DMTN: variants seen among roughly 807,000 people sequenced by gnomAD.
DMTN encodes the protein dematin.
A neutral mutation model predicts 59.4 loss-of-function variants in DMTN; 27 were observed. The observed-to-expected ratio is 0.45, with a 90% CI of 0.33 to 0.63. The LOEUF (loss-of-function observed/expected upper bound fraction) is 0.63. DMTN is among the 20% of genes least tolerant of loss of function. The pLI, the probability that DMTN is intolerant of heterozygous loss-of-function variation, is 0.02. For missense variants in DMTN, 451 were observed against 528.9 expected (o/e 0.85, Z 1.45); for synonymous variants, 221 against 203.7 (o/e 1.08, Z -0.72).
In DMTN at chr8:22,067,120, C is replaced by T. The variant is rs1003804935; in HGVS notation, c.54C>T (p.Ser18=). Residue 18 remains serine, a synonymous_variant, in exon 3 of 16, where the codon TCC becomes TCT. Transcript: ENST00000358242. ...CCTCCCCCGGGAGCGTGAGCCCCTC[C>T]CGAGATTCCAGTGTGCCTGGCTCTC... The part of the protein sequence containing the change: ...PLTSPGSVSP[S]RDSSVPGSPS... 1.9e-6 allele frequency: 3 copies of T among 1,608,616 alleles called. No homozygotes were observed. Among genetic ancestry groups the T allele is most frequent in the Non-Finnish European group, 2.5e-6 (3 of 1,177,898 alleles).
upstream of DMTN, among the ~76,000 whole-genome samples, chr8:22,052,468 G>A (rs1801449320): frequency 1.3e-5 from 2 of 152,232 alleles, no homozygotes; most frequent in Admixed American, 6.5e-5. Flanking sequence ...TGGGTGGGGC[G>A]GGGGCTTAAG....
At chr8:22,049,083 G>A (rs1043415108), upstream of DMTN, 6 of 150,110 alleles carry the variant, frequency 4.0e-5, no homozygotes, top group Non-Finnish European at 7.4e-5. Flanking sequence ...CCGGGGCCGG[G>A]GCCGGGACGT....
At chr8:22,062,813 C>T (rs908921722) in intron 1 of DMTN, among the ~76,000 whole-genome samples, 1 of 151,952 alleles carries the variant, frequency 6.6e-6, no homozygotes, top group African/African-American at 2.4e-5. Flanking sequence ...TCCCTCCCTC[C>T]CTCCCATTCT....
At chr8:22,063,648 A>G (rs895757321) in intron 1 of DMTN, among the ~76,000 whole-genome samples, 2 of 151,792 alleles carry the variant, frequency 1.3e-5, no homozygotes, top group Admixed American at 1.3e-4. Context: ...CCATGTCCCC[A>G]CCTTATGCTG....
intron 10 of DMTN, among the ~76,000 whole-genome samples, chr8:22,076,746 G>A (rs1300407129): frequency 1.3e-5 from 2 of 149,664 alleles, no homozygotes; most frequent in South Asian, 4.2e-4. Flanking sequence ...TTCTTTTTTG[G>A]GTGACATATA....
intron 1 of DMTN, chr8:22,059,421 G>A (rs1201590555): frequency 6.6e-6 from 1 of 152,260 alleles, no homozygotes; most frequent in East Asian, 1.9e-4. Flanking sequence ...CCCGGAGCCA[G>A]AGGCCCCCAC....
At chr8:22,070,055 T>G in intron 7 of DMTN, 118 bp downstream of exon 7, 1 of 1,534,918 alleles carries the variant, frequency 6.5e-7, no homozygotes, top group Non-Finnish European at 9.0e-7. Flanking sequence ...GCAGCACGTG[T>G]GCCCCGTGCT....
At chr8:22,064,414 T>A (rs1397639345) in intron 1 of DMTN, among the ~76,000 whole-genome samples, 2 of 152,008 alleles carry the variant, frequency 1.3e-5, no homozygotes, top group African/African-American at 4.8e-5. Flanking sequence ...AGTTCCAGAA[T>A]GGAGTCTTTC....
rs1387800852 is a variant in DMTN at position 22,058,334 on chromosome 8, C to A, written c.-172+1198C>A. On this transcript the variant is annotated intron_variant, in intron 1 of 15. Coordinates refer to ENST00000358242, the MANE Select transcript of DMTN (RefSeq NM_001387751.1). This position sits in a 1 kb window ranked among gnomAD's most constrained non-coding sequence, Gnocchi z 4.3. ...GTGTTGTGGGACTGGAACAGGGAGG[C>A]CCTGGGATCCAGAAAGCTGAATTGA... 6.6e-6 allele frequency among the ~76,000 whole-genome samples: 1 copy of A among 152,094 alleles called. No individual in the cohort carries two copies. Among genetic ancestry groups the A allele is most frequent in the African/African-American group, 2.4e-5 (1 of 41,408 alleles).
chr8:22,064,558 A>G (rs979585340), intron 1 of DMTN, among the ~76,000 whole-genome samples: 4 of 151,988 alleles, frequency 2.6e-5, no homozygotes, highest in African/African-American at 9.7e-5. Flanking sequence ...TCCTGGGTTC[A>G]TGCCATTCTC....
At chr8:22,064,286 T>C (rs1375252029) in intron 1 of DMTN, among the ~76,000 whole-genome samples, 1 of 152,196 alleles carries the variant, frequency 6.6e-6, no homozygotes, top group African/African-American at 2.4e-5. Context: ...ATAAACAAAG[T>C]AAAGATAAGA....
At position 22,067,102 on chromosome 8, in the gene DMTN, C is replaced by G. The variant is rs1475410796; in HGVS notation, c.36C>G (p.Pro12=). 1 of 1,606,848 alleles carries G rather than the reference C, an allele frequency of 6.2e-7. No homozygotes were observed. Among genetic ancestry groups the G allele is most frequent in the Admixed American group, 1.7e-5 (1 of 59,054 alleles). ...ERLQKQPLTS[P]GSVSPSRDSS... ...CTCCCCAGCAACCACTTACCTCCCCCGGGAGCGTGAGCCCCTCCCGAGATT... is the reference window on the plus strand; with the variant it reads ...CTCCCCAGCAACCACTTACCTCCCCGGGGAGCGTGAGCCCCTCCCGAGATT... Residue 12 remains proline (P), a synonymous_variant, in exon 3 of 16, where the codon CCC becomes CCG. Coordinates refer to ENST00000358242, the MANE Select transcript of DMTN (RefSeq NM_001387751.1).
chr8:22,054,371 C>T (rs1166007736), upstream of DMTN, among the ~76,000 whole-genome samples: 1 of 152,084 alleles, frequency 6.6e-6, no homozygotes, highest in Admixed American at 6.5e-5. Flanking sequence ...AGAGCTGTCC[C>T]TTGCTCTGAG....
intron 8 of DMTN, among the ~76,000 whole-genome samples, chr8:22,071,737 G>A (rs763883887): frequency 9.9e-5 from 15 of 150,766 alleles, no homozygotes; most frequent in Non-Finnish European, 2.1e-4. Flanking sequence ...CCGCCACCAC[G>A]CCCAGCTAAT....
Position 22,080,808 on chromosome 8 carries a change from G to C in DMTN, c.961G>C (p.Gly321Arg). The C allele has an allele frequency of 1.2e-6, 2 of 1,605,898 alleles. No individual in the cohort carries two copies. The highest frequency in any genetic ancestry group is 1.7e-6 in the Non-Finnish European group (2 of 1,175,224). Residue 321 changes from glycine (G) to arginine (R), a missense_variant, in exon 14 of 16, where the codon GGA becomes CGA. Transcript: ENST00000358242. ...ACTGCGGCTTTGGTCTCCCCAGAAC[G>C]GAGAGGGCCAGAGGGGGAGGATGGA... ...SETGSPGLQN[G>R]EGQRGRMDRG... is the part of the protein sequence containing the mutation.
chr8:22,050,137 C>T (rs1162109601), upstream of DMTN, among the ~76,000 whole-genome samples: 3 of 152,202 alleles, frequency 2.0e-5, no homozygotes, highest in Admixed American at 6.5e-5. Context: ...GTGAAGACCG[C>T]GCCGTGTTGG....
At chr8:22,062,907 TG>T (rs1807695634) in intron 1 of DMTN, among the ~76,000 whole-genome samples, 2 of 150,246 alleles carry the variant, frequency 1.3e-5, no homozygotes, top group Admixed American at 1.3e-4. Flanking sequence ...TCCTGGCCCC[TG>T]CGAGCTGCCA....
upstream of DMTN, among the ~76,000 whole-genome samples, chr8:22,049,404 CG>C (rs1442791601): frequency 2.1e-5 from 2 of 94,190 alleles, no homozygotes; most frequent in African/African-American, 8.4e-5. Context: ...GCGAGAGGGG[CG>C]GGGAGGAAGG....
chr8:22,053,823 G>A (rs1319145682), upstream of DMTN: 1 of 152,356 alleles, frequency 6.6e-6, no homozygotes, highest in Non-Finnish European at 1.5e-5. Context: ...TGCCTGCTCA[G>A]TATGGAGCAG....
Sources: allele counts gnomAD v4.1 joint callset (sites outside exome capture counted in the v4.1 genomes callset), GRCh38; gene constraint gnomAD v4.1.1; non-coding constraint Gnocchi (gnomAD v3.1); transcripts MANE v1.5; gene names NCBI Gene and HGNC (gene_info 2026-07-23, HGNC 2026-07-21).